Variants in ITPR2 observed in about 807,000 individuals in gnomAD.
The protein encoded by ITPR2 is inositol 1,4,5-trisphosphate-gated calcium channel ITPR2.
A neutral mutation model predicts 317.1 loss-of-function variants in ITPR2; 207 were observed. That is an observed-to-expected ratio of 0.65 (90% CI 0.58 to 0.73). ITPR2 has a LOEUF of 0.73. Ranked by LOEUF, ITPR2 falls within the 30% of genes least tolerant of loss-of-function variation. The pLI is 0.00. For missense variants in ITPR2, 2,613 were observed against 3,284.0 expected (o/e 0.80, Z 4.99); for synonymous variants, 1,156 against 1,149.1 (o/e 1.01, Z -0.12).
At chr12:26,532,975 C>T (rs1267122807) in intron 37 of ITPR2, among the ~76,000 whole-genome samples, 3 of 152,076 alleles carry the variant, frequency 2.0e-5, no homozygotes, top group East Asian at 1.9e-4. Context: ...CGTGAGCCAC[C>T]GTGCCCGGCC....
At chr12:26,622,446 A>G (rs1946521823) in intron 24 of ITPR2, 41 bp from the exon 25 acceptor site, 1 of 1,467,536 alleles carries the variant, frequency 6.8e-7, no homozygotes, top group African/African-American at 1.4e-5. Flanking sequence ...TCCTATTTAT[A>G]TAACATCTAC....
Position 26,599,430 on chromosome 12 carries a change from A to G in ITPR2, c.3802-85T>C, listed in dbSNP as rs1945937805. ...ACTTAGACTAATTGCCCTGCTTGTG[A>G]TCAGTTTTATATTTTATACGAAGCC... On this transcript the variant is annotated intron_variant, in intron 29 of 56. Coordinates refer to ENST00000381340, the MANE Select transcript of ITPR2 (RefSeq NM_002223.4). 4 of 1,199,386 alleles carry G rather than the reference A, an allele frequency of 3.3e-6. No homozygotes were observed. In the Admixed American group the frequency reaches 5.3e-5, roughly 16 times the overall value. 74.3% of individuals were successfully genotyped at this position (1,199,386 alleles called of 1,614,324 possible).
At chr12:26,425,115 TTTA>T (rs1187249266) in intron 49 of ITPR2, among the ~76,000 whole-genome samples, 5 of 151,978 alleles carry the variant, frequency 3.3e-5, no homozygotes, top group Non-Finnish European at 7.4e-5. Context: ...AATATTTTTT[TTTA>T]TTTTTTGTAG....
intron 14 of ITPR2, among the ~76,000 whole-genome samples, 176 bp from the exon 15 acceptor site, chr12:26,664,022 T>C (rs2167068): frequency 0.85 from 129,437 of 152,134 alleles, 55,086 homozygotes; most frequent in Admixed American, 0.9. Flanking sequence ...ATCAGAAAAG[T>C]ACTGCCAAAA....
At chr12:26,700,859 T>C (rs1948432273) in intron 9 of ITPR2, among the ~76,000 whole-genome samples, 1 of 152,230 alleles carries the variant, frequency 6.6e-6, no homozygotes, top group South Asian at 2.1e-4. Flanking sequence ...ACAGAATCAG[T>C]AGAATCTGAA....
At chr12:26,816,971 A>G (rs575613021) in intron 1 of ITPR2, among the ~76,000 whole-genome samples, 79 of 152,174 alleles carry the variant, frequency 5.2e-4, no homozygotes, top group African/African-American at 1.8e-3. Context: ...CGAGGTCAGG[A>G]GATCAAGACC....
intron 21 of ITPR2, among the ~76,000 whole-genome samples, chr12:26,639,659 C>T (rs1300273319): frequency 1.4e-5 from 2 of 139,468 alleles, no homozygotes; most frequent in Non-Finnish European, 3.0e-5. Flanking sequence ...TGTGATGTTC[C>T]CCTTCCTGTG....
At chr12:26,787,502 C>A (rs1353430808) in intron 2 of ITPR2, among the ~76,000 whole-genome samples, 2 of 152,150 alleles carry the variant, frequency 1.3e-5, no homozygotes, top group Non-Finnish European at 2.9e-5. Flanking sequence ...AGCTGTTACC[C>A]CAGGTTCCCT....
intron 10 of ITPR2, among the ~76,000 whole-genome samples, chr12:26,693,599 A>T (rs12320601): frequency 0.22 from 33,400 of 152,136 alleles, 4,393 homozygotes; most frequent in African/African-American, 0.36. Flanking sequence ...AGTGCCAGGT[A>T]AATACTTGTT....
chr12:26,357,508 A>G (rs1163140695), intron 55 of ITPR2, among the ~76,000 whole-genome samples: 2 of 152,210 alleles, frequency 1.3e-5, no homozygotes, highest in East Asian at 1.9e-4. Flanking sequence ...TTATATAATA[A>G]TAAAACTGTC....
intron 37 of ITPR2, among the ~76,000 whole-genome samples, chr12:26,502,100 T>C (rs1055973070): frequency 3.3e-5 from 5 of 152,200 alleles, no homozygotes; most frequent in African/African-American, 1.2e-4. Flanking sequence ...TAGCAAGGAA[T>C]AAAGCAAACT....
intron 26 of ITPR2, 87 bp downstream of exon 26, chr12:26,621,036 G>A: frequency 8.0e-7 from 1 of 1,246,254 alleles, no homozygotes; most frequent in Non-Finnish European, 1.1e-6. Flanking sequence ...TTTTCTTTAT[G>A]AACAATTTTG....
chr12:26,710,905 T>G (rs1948632531), intron 9 of ITPR2, among the ~76,000 whole-genome samples: 1 of 152,168 alleles, frequency 6.6e-6, no homozygotes, highest in African/African-American at 2.4e-5. Flanking sequence ...CACATACATA[T>G]GCAAATCAGA....
At chr12:26,727,734 G>A (rs1265637049) in intron 2 of ITPR2, among the ~76,000 whole-genome samples, 2 of 152,180 alleles carry the variant, frequency 1.3e-5, no homozygotes, top group Non-Finnish European at 2.9e-5. Context: ...GAAAGCTCAC[G>A]GTCTACTTGA....
intron 2 of ITPR2, among the ~76,000 whole-genome samples, chr12:26,788,086 C>G (rs1354278719): frequency 1.9e-4 from 29 of 152,160 alleles, no homozygotes; most frequent in Non-Finnish European, 4.4e-5. Context: ...CCATGCCCGG[C>G]TAATTTTGCA....
chr12:26,447,889 A>G (rs929339085), intron 45 of ITPR2, among the ~76,000 whole-genome samples: 8 of 151,960 alleles, frequency 5.3e-5, no homozygotes, highest in Admixed American at 5.3e-4. Context: ...AATATTCTAT[A>G]GAATGAATGC....
chr12:26,669,790 C>G (rs548741945), intron 13 of ITPR2, among the ~76,000 whole-genome samples: 6 of 152,356 alleles, frequency 3.9e-5, no homozygotes, highest in African/African-American at 1.4e-4. Flanking sequence ...GTTCCCTTTC[C>G]TAGTCAAAGA....
At chr12:26,436,461 A>G (rs1941351090) in intron 47 of ITPR2, 115 bp from the exon 48 acceptor site, 1 of 842,906 alleles carries the variant, frequency 1.2e-6, no homozygotes, top group Admixed American at 3.2e-5. Flanking sequence ...ACTATTATAA[A>G]AACCTATTTA....
At chr12:26,393,675 T>G (rs1172651573) in intron 54 of ITPR2, among the ~76,000 whole-genome samples, 1 of 152,246 alleles carries the variant, frequency 6.6e-6, no homozygotes, top group African/African-American at 2.4e-5. Flanking sequence ...TTTAAATTAC[T>G]TAAGTGTTTC....
Sources: gnomAD v4.1 joint callset for allele counts (sites outside exome capture counted in the v4.1 genomes callset) on GRCh38, gnomAD v4.1.1 for gene constraint, MANE v1.5 for transcripts, NCBI Gene and HGNC (gene_info 2026-07-23, HGNC 2026-07-21) for gene names.